ZMAT4: variants seen among roughly 807,000 people sequenced by gnomAD.
ZMAT4 encodes the protein zinc finger matrin-type protein 4.
A neutral mutation model predicts 28.7 loss-of-function variants in ZMAT4; 17 were observed. That is an observed-to-expected ratio of 0.59 (90% CI 0.41 to 0.89). The LOEUF is 0.89. Among genes scored for constraint, ZMAT4 ranks in the 40% least tolerant of loss-of-function variants. ZMAT4 has a pLI of 0.00. For missense variants in ZMAT4, 240 were observed against 283.8 expected (o/e 0.85, Z 1.11); for synonymous variants, 117 against 109.2 (o/e 1.07, Z -0.44).
Position 40,896,121 on chromosome 8 carries a change from T to C in ZMAT4, c.-5+1562A>G, listed in dbSNP as rs1229484793. ...TTAACCATTGTGAATAGAGTTTCAATAATCACAGTTCCCACCCAAAATAGC... is the reference window on the plus strand; with the variant it reads ...TTAACCATTGTGAATAGAGTTTCAACAATCACAGTTCCCACCCAAAATAGC... On this transcript the variant is annotated intron_variant, in intron 1 of 6. Coordinates refer to ENST00000297737, the MANE Select transcript of ZMAT4 (RefSeq NM_024645.3). Among the ~76,000 whole-genome samples, 3 of 152,144 alleles carry C rather than the reference T, an allele frequency of 2.0e-5. No individual in the cohort carries two copies. In the East Asian group the frequency reaches 5.8e-4, roughly 29 times the overall value.
intron 3 of ZMAT4, among the ~76,000 whole-genome samples, chr8:40,703,299 A>G (rs982505885): frequency 9.2e-5 from 14 of 152,242 alleles, no homozygotes; most frequent in African/African-American, 3.4e-4. Flanking sequence ...CATCATTCAT[A>G]ATAGCCCAAA....
intron 5 of ZMAT4, among the ~76,000 whole-genome samples, chr8:40,637,295 A>C (rs1806831564): frequency 6.6e-6 from 1 of 152,228 alleles, no homozygotes. Flanking sequence ...CAATTTTAGA[A>C]ACACAATAAA....
chr8:40,621,877 A>G (rs1237498332), intron 5 of ZMAT4, among the ~76,000 whole-genome samples: 2 of 152,222 alleles, frequency 1.3e-5, no homozygotes, highest in Non-Finnish European at 2.9e-5. Context: ...ATTTAGAAAA[A>G]GCTTACCCAC....
chr8:40,650,835 A>G (rs1807605759), intron 5 of ZMAT4, among the ~76,000 whole-genome samples: 1 of 151,864 alleles, frequency 6.6e-6, no homozygotes, highest in Non-Finnish European at 1.5e-5. Flanking sequence ...CCACATGATT[A>G]TCTCAATAGA....
At chr8:40,852,805 A>G (rs1817160531) in intron 1 of ZMAT4, among the ~76,000 whole-genome samples, 1 of 152,212 alleles carries the variant, frequency 6.6e-6, no homozygotes, top group Non-Finnish European at 1.5e-5. Flanking sequence ...ATTTCATTAT[A>G]TAATACCCAA....
intron 5 of ZMAT4, among the ~76,000 whole-genome samples, chr8:40,609,992 CTT>C: frequency 6.6e-6 from 1 of 152,310 alleles, no homozygotes; most frequent in South Asian, 2.1e-4. Flanking sequence ...AAGACAGCAT[CTT>C]TGATCTTTAC....
chr8:40,848,046 T>C (rs1816971435), intron 1 of ZMAT4, among the ~76,000 whole-genome samples: 1 of 152,216 alleles, frequency 6.6e-6, no homozygotes, highest in African/African-American at 2.4e-5. Flanking sequence ...GAGCGGTTTA[T>C]CTGCTGGAAC....
intron 5 of ZMAT4, among the ~76,000 whole-genome samples, chr8:40,673,624 A>G (rs1392077991): frequency 6.6e-6 from 1 of 152,184 alleles, no homozygotes; most frequent in Non-Finnish European, 1.5e-5. Flanking sequence ...CAGAAAATAT[A>G]ATATGCAATT....
chr8:40,545,576 G>T (rs116872233), intron 6 of ZMAT4, among the ~76,000 whole-genome samples: 139 of 152,182 alleles, frequency 9.1e-4, no homozygotes, highest in Non-Finnish European at 1.6e-3. Context: ...CTTATGAAAA[G>T]GACAAATTTG....
chr8:40,561,744 G>A (rs919171526), intron 6 of ZMAT4, among the ~76,000 whole-genome samples: 2 of 152,080 alleles, frequency 1.3e-5, no homozygotes, highest in African/African-American at 4.8e-5. Flanking sequence ...ATACAAATTC[G>A]TAAACTTTCT....
chr8:40,574,646 C>T (rs1316851414), intron 6 of ZMAT4, among the ~76,000 whole-genome samples: 1 of 152,166 alleles, frequency 6.6e-6, no homozygotes, highest in Non-Finnish European at 1.5e-5. Context: ...TGGCAAAATC[C>T]TTGTGGAGCA....
chr8:40,570,398 A>G (rs1479165338), intron 6 of ZMAT4, among the ~76,000 whole-genome samples: 1 of 152,164 alleles, frequency 6.6e-6, no homozygotes. Context: ...TAATCGGTTT[A>G]TTTAAAAGTA....
chr8:40,606,730 G>C (rs907403342), intron 5 of ZMAT4, among the ~76,000 whole-genome samples: 4 of 152,302 alleles, frequency 2.6e-5, no homozygotes, highest in Admixed American at 2.0e-4. Context: ...TAGACCTCCA[G>C]CAAGGCCAGG....
At chr8:40,673,432 A>G (rs1424646680) in intron 5 of ZMAT4, among the ~76,000 whole-genome samples, 1 of 152,148 alleles carries the variant, frequency 6.6e-6, no homozygotes, top group Non-Finnish European at 1.5e-5. Context: ...TGTATGCAGA[A>G]CCCTGTTTAA....
At chr8:40,566,916 A>G (rs1803941645) in intron 6 of ZMAT4, among the ~76,000 whole-genome samples, 1 of 152,122 alleles carries the variant, frequency 6.6e-6, no homozygotes, top group East Asian at 1.9e-4. Flanking sequence ...AACTTTATCC[A>G]TGTCCCAGGA....
At chr8:40,783,086 A>G (rs566669577) in intron 2 of ZMAT4, among the ~76,000 whole-genome samples, 2 of 152,368 alleles carry the variant, frequency 1.3e-5, no homozygotes, top group South Asian at 2.1e-4. Flanking sequence ...TGAAAAACAT[A>G]TTCACACAAA....
chr8:40,574,528 T>C (rs1031773557), intron 6 of ZMAT4, among the ~76,000 whole-genome samples: 3 of 152,124 alleles, frequency 2.0e-5, no homozygotes, highest in Admixed American at 6.6e-5. Flanking sequence ...GGCTGACTAG[T>C]GGTGCCTGGC....
intron 5 of ZMAT4, among the ~76,000 whole-genome samples, chr8:40,597,691 CT>C (rs1227978533): frequency 6.6e-6 from 1 of 152,122 alleles, no homozygotes; most frequent in Non-Finnish European, 1.5e-5. Context: ...CTTTTGGTAA[CT>C]CATATCTCTG....
chr8:40,589,094 T>C (rs2589902), intron 5 of ZMAT4, among the ~76,000 whole-genome samples: 151,779 of 152,328 alleles, frequency 1, 75,621 homozygotes, highest in Middle Eastern at 1. Context: ...ATGGATTTGT[T>C]ATCTTTGAGC....
Sources: gnomAD v4.1 joint callset for allele counts (sites outside exome capture counted in the v4.1 genomes callset) on GRCh38, gnomAD v4.1.1 for gene constraint, MANE v1.5 for transcripts, NCBI Gene and HGNC (gene_info 2026-07-23, HGNC 2026-07-21) for gene names.